PARD3B: variants seen among roughly 807,000 people sequenced by gnomAD.
PARD3B encodes par-3 family cell polarity regulator beta, also known as partitioning defective 3 homolog B.
PARD3B carries 103 observed loss-of-function variants against 130.2 expected under a neutral mutation model. The ratio of observed to expected loss-of-function variants is 0.79; its 90% confidence interval spans 0.67 to 0.93. The LOEUF (loss-of-function observed/expected upper bound fraction) is 0.93. PARD3B is among the 40% of genes least tolerant of loss of function. The pLI, the probability that PARD3B is intolerant of heterozygous loss-of-function variation, is 0.00. For synonymous variants in PARD3B, 583 were observed against 553.2 expected (o/e 1.05, Z -0.76); for missense variants, 1,609 against 1,499.2 (o/e 1.07, Z -1.21).
intron 3 of PARD3B, among the ~76,000 whole-genome samples, chr2:204,977,811 CA>C (rs35974349): frequency 0.043 from 2,547 of 59,016 alleles, 39 homozygotes; most frequent in African/African-American, 0.16. Flanking sequence ...GACTCCGGCT[CA>C]AAAAAAAAAA....
At chr2:204,837,159 A>G (rs909870144) in intron 2 of PARD3B, among the ~76,000 whole-genome samples, 2 of 152,148 alleles carry the variant, frequency 1.3e-5, no homozygotes, top group Non-Finnish European at 2.9e-5. Context: ...CATACATTCT[A>G]GTAATAACAA....
intron 18 of PARD3B, among the ~76,000 whole-genome samples, chr2:205,362,839 C>T (rs539212651): frequency 1.5e-4 from 23 of 152,328 alleles, no homozygotes; most frequent in African/African-American, 5.5e-4. Flanking sequence ...TGCCTGACTT[C>T]TGCTCTTCCA....
At chr2:204,659,872 C>T (rs2035746544) in intron 1 of PARD3B, among the ~76,000 whole-genome samples, 1 of 152,142 alleles carries the variant, frequency 6.6e-6, no homozygotes, top group African/African-American at 2.4e-5. Context: ...CTACCTAGGT[C>T]AAAGCCAAGG....
rs190050520 is a variant in PARD3B, at chr2:205,277,619, G to C, written c.2186-22911G>C. 1.6e-3 allele frequency among the ~76,000 whole-genome samples: 251 copies of C among 152,288 alleles called. 2 individuals carry two copies. The highest frequency in any genetic ancestry group is 1.9e-4 in the Non-Finnish European group (13 of 68,038). On this transcript the variant is annotated intron_variant, in intron 16 of 22. Transcript: ENST00000406610. ...AGGAGAGAACAGAATCTTAGAAAGA[G>C]AGACGGCAGATGCAGAGACCCAATG... is the stretch of plus-strand genomic sequence containing the variant.
chr2:204,960,151 G>A (rs1690618351), intron 2 of PARD3B, among the ~76,000 whole-genome samples: 1 of 152,162 alleles, frequency 6.6e-6, no homozygotes, highest in Admixed American at 6.5e-5. Context: ...ATCTCCACTT[G>A]CTGTGAAGTT....
intron 1 of PARD3B, among the ~76,000 whole-genome samples, chr2:204,594,547 C>T (rs2033206853): frequency 6.6e-6 from 1 of 152,154 alleles, no homozygotes; most frequent in Non-Finnish European, 1.5e-5. Context: ...AACAGTGGAG[C>T]CAGACTGTAT....
At position 205,274,625 on chromosome 2, in the gene PARD3B, TTCTATCTGAATATTA is replaced by T. The variant is rs779997443; in HGVS notation, c.2186-25889_2186-25875del. Among the ~76,000 whole-genome samples, 4 of 152,108 alleles carry T rather than the reference TTCTATCTGAATATTA, an allele frequency of 2.6e-5. No homozygotes were observed. The highest frequency in any genetic ancestry group is 4.8e-5 in the African/African-American group (2 of 41,440). On this transcript the variant is annotated intron_variant, in intron 16 of 22. Coordinates refer to ENST00000406610, the MANE Select transcript of PARD3B (RefSeq NM_001302769.2). The surrounding 1 kb of genome is among the most constrained non-coding windows in gnomAD (Gnocchi z 4.2). Reference sequence around the variant, plus strand: ...TTTTTATAAATCATTTCTACTTACTTTCTATCTGAATATTATCTATCTGAATATTAATATCAATTA... The same window carrying T: ...TTTTTATAAATCATTTCTACTTACTTTCTATCTGAATATTAATATCAATTA...
intron 2 of PARD3B, among the ~76,000 whole-genome samples, chr2:204,794,051 G>C (rs1008692180): frequency 6.6e-6 from 1 of 152,120 alleles, no homozygotes; most frequent in African/African-American, 2.4e-5. Flanking sequence ...TATTTGATGC[G>C]AGGGGAGATT....
intron 15 of PARD3B, among the ~76,000 whole-genome samples, chr2:205,206,370 C>G (rs2037310469): frequency 6.9e-6 from 1 of 145,092 alleles, no homozygotes. Context: ...TCCCCCCTCC[C>G]CCAACCCCAC....
intron 3 of PARD3B, among the ~76,000 whole-genome samples, chr2:205,034,988 C>G (rs1472026276): frequency 2.0e-5 from 3 of 152,134 alleles, no homozygotes; most frequent in African/African-American, 7.2e-5. Flanking sequence ...TCCAGAGTAG[C>G]TGGGATTACA....
intron 1 of PARD3B, among the ~76,000 whole-genome samples, chr2:204,563,257 C>CTCTCTCTT (rs1553542029): frequency 2.8e-4 from 40 of 142,766 alleles, no homozygotes; most frequent in African/African-American, 1.0e-3. Context: ...CTCTCTCTCT[C>CTCTCTCTT]TCTCTCTCTT....
Position 204,967,088 on chromosome 2 carries a change from T to C in PARD3B, c.394+1765T>C, listed in dbSNP as rs1231237540. 6.6e-6 allele frequency among the ~76,000 whole-genome samples: 1 copy of C among 152,198 alleles called. No homozygotes were observed. The highest frequency in any genetic ancestry group is 1.5e-5 in the Non-Finnish European group (1 of 68,038). ...CAATTCCTAAAACAACCAACTAATA[T>C]AACTGTCTTGGGGTTTACTTTGAGA... is the stretch of plus-strand genomic sequence containing the variant. On this transcript the variant is annotated intron_variant, in intron 3 of 22. Coordinates refer to ENST00000406610, the MANE Select transcript of PARD3B (RefSeq NM_001302769.2). This position sits in a 1 kb window ranked among gnomAD's most constrained non-coding sequence, Gnocchi z 4.4.
chr2:205,494,029 G>T (rs2049834063), intron 20 of PARD3B, among the ~76,000 whole-genome samples: 1 of 151,980 alleles, frequency 6.6e-6, no homozygotes, highest in Non-Finnish European at 1.5e-5. Flanking sequence ...CCAAGTGCTG[G>T]GATTACAGGC....
At chr2:205,437,466 C>T (rs982326790) in intron 19 of PARD3B, among the ~76,000 whole-genome samples, 2 of 152,138 alleles carry the variant, frequency 1.3e-5, no homozygotes, top group African/African-American at 4.8e-5. Context: ...GAACGCTCTG[C>T]AATGATGGAA....
chr2:205,224,557 C>A (rs2038439922), intron 15 of PARD3B, among the ~76,000 whole-genome samples: 1 of 114,070 alleles, frequency 8.8e-6, no homozygotes, highest in Admixed American at 9.7e-5. Context: ...CCGCCCCCAA[C>A]CCCCCAGCAC....
intron 2 of PARD3B, among the ~76,000 whole-genome samples, chr2:204,777,378 G>A (rs1397604573): frequency 6.6e-6 from 1 of 152,300 alleles, no homozygotes; most frequent in Admixed American, 6.5e-5. Flanking sequence ...TGGGGCTGTG[G>A]GGGTCAAGGA....
chr2:204,574,424 G>A (rs1180427697), intron 1 of PARD3B, among the ~76,000 whole-genome samples: 1 of 152,002 alleles, frequency 6.6e-6, no homozygotes, highest in Non-Finnish European at 1.5e-5. Context: ...CCCCTCCTTT[G>A]GGCAATTTGA....
At chr2:205,399,828 A>G (rs2046183608) in intron 18 of PARD3B, among the ~76,000 whole-genome samples, 1 of 152,060 alleles carries the variant, frequency 6.6e-6, no homozygotes, top group Admixed American at 6.6e-5. Flanking sequence ...CTTTCTGGGG[A>G]ATTGTATTAT....
intron 2 of PARD3B, among the ~76,000 whole-genome samples, chr2:204,814,152 T>C (rs2043060539): frequency 6.6e-6 from 1 of 152,008 alleles, no homozygotes. Context: ...AAATCTCATG[T>C]TTTTAGTGTA....
Sources: allele counts gnomAD v4.1 joint callset (sites outside exome capture counted in the v4.1 genomes callset), GRCh38; gene constraint gnomAD v4.1.1; non-coding constraint Gnocchi (gnomAD v3.1); transcripts MANE v1.5; gene names NCBI Gene and HGNC (gene_info 2026-07-23, HGNC 2026-07-21).